The following NAV1 variants were observed in gnomAD, a reference collection of about 807,000 sequenced individuals.
NAV1 encodes the protein neuron navigator 1.
A neutral mutation model predicts 175.2 loss-of-function variants in NAV1; 18 were observed. The ratio of observed to expected loss-of-function variants is 0.10; its 90% confidence interval spans 0.07 to 0.15. NAV1 has a LOEUF of 0.15. Ranked by LOEUF, NAV1 falls within the 10% of genes least tolerant of loss-of-function variation. The probability of loss-of-function intolerance (pLI) is 1.00; values close to 1 mark genes in which losing one functional copy is unlikely to be tolerated. For synonymous variants in NAV1, 897 were observed against 978.7 expected, an observed-to-expected ratio of 0.92 and a Z score of 1.56; for missense variants, 1,731 against 2,436.6, an observed-to-expected ratio of 0.71 and a Z score of 6.10.
At chr1:201,720,798 A>G (rs1396368779) in intron 3 of NAV1, among the ~76,000 whole-genome samples, 1 of 152,056 alleles carries the variant, frequency 6.6e-6, no homozygotes, top group Admixed American at 6.5e-5. Flanking sequence ...TTTTGTTGCT[A>G]TATTATTTTT....
intron 3 of NAV1, among the ~76,000 whole-genome samples, chr1:201,752,878 T>C (rs1460155050): frequency 6.6e-6 from 1 of 152,138 alleles, no homozygotes; most frequent in Non-Finnish European, 1.5e-5. Flanking sequence ...AACTTGCAAA[T>C]TTTTCCCCCA....
At chr1:201,713,615 G>T (rs1265498838) in intron 2 of NAV1, among the ~76,000 whole-genome samples, 3 of 152,240 alleles carry the variant, frequency 2.0e-5, no homozygotes, top group Non-Finnish European at 4.4e-5. Flanking sequence ...GGACTGCCCA[G>T]ATGAGCTCAT....
At chr1:201,761,347 G>A (rs908053870) in intron 3 of NAV1, among the ~76,000 whole-genome samples, 3 of 152,156 alleles carry the variant, frequency 2.0e-5, no homozygotes, top group East Asian at 1.9e-4. Flanking sequence ...GCTTCATTCC[G>A]CGAAGAGAGA....
intron 1 of NAV1, among the ~76,000 whole-genome samples, chr1:201,699,863 G>A (rs1224132853): frequency 6.6e-6 from 1 of 152,222 alleles, no homozygotes; most frequent in African/African-American, 2.4e-5. Flanking sequence ...TGTAATAAAT[G>A]ATGCTGGGAA....
At position 201,573,971 on chromosome 1, in the gene NAV1, G is replaced by C. The variant is rs185322461; in HGVS notation, c.-143-14568G>C. Among the ~76,000 whole-genome samples the C allele has an allele frequency of 3.1e-3, 473 of 152,096 alleles. 2 individuals are homozygous for C. Among genetic ancestry groups the C allele is most frequent in the Non-Finnish European group, 3.8e-3 (259 of 67,988 alleles). ...CTTGGGAGGTTGAGGTGGGAGGATCGCTTGAGCCCACGAGTTTGAGGCTAC... is the reference window on the plus strand; with the variant it reads ...CTTGGGAGGTTGAGGTGGGAGGATCCCTTGAGCCCACGAGTTTGAGGCTAC... On this transcript the variant is annotated intron_variant, in intron 1 of 33. Coordinates refer to the NAV1 transcript ENST00000685211.
At chr1:201,822,268 C>A (rs1679428056) in exon 30 of NAV1, 1 of 152,744 alleles carries the variant, frequency 6.5e-6, no homozygotes, top group Non-Finnish European at 1.5e-5. Context: ...ATGAGGAGGC[C>A]CCCGAGCTGG....
chr1:201,605,081 A>G (rs1253121793), intron 2 of NAV1, among the ~76,000 whole-genome samples: 3 of 150,886 alleles, frequency 2.0e-5, no homozygotes, highest in Admixed American at 1.3e-4. Context: ...TAGCACATAC[A>G]CAAACGATGA....
At chr1:201,732,939 C>T (rs528847464) in intron 3 of NAV1, among the ~76,000 whole-genome samples, 42 of 150,800 alleles carry the variant, frequency 2.8e-4, no homozygotes, top group Middle Eastern at 3.5e-3. Context: ...GGCATGGTGG[C>T]GCGTGCCTGT....
chr1:201,541,709 G>A (rs997680512), intron 1 of NAV1, among the ~76,000 whole-genome samples: 4 of 152,296 alleles, frequency 2.6e-5, no homozygotes, highest in Admixed American at 6.5e-5. Context: ...GGGAGGCAGA[G>A]GTTGCAGTAA....
At chr1:201,797,293 T>C (rs1677516384) in intron 15 of NAV1, 1 of 152,230 alleles carries the variant, frequency 6.6e-6, no homozygotes, top group South Asian at 2.1e-4. Context: ...ACTATACATA[T>C]ATGAGTTTCA....
chr1:201,804,579 TAA>T (rs377039916), intron 17 of NAV1, 82 bp downstream of exon 21: 39,005 of 344,692 alleles, frequency 0.11, 3 homozygotes, highest in Middle Eastern at 0.15. Context: ...TCCCTTCCCC[TAA>T]AAAAAAAAAA....
chr1:201,604,694 A>G (rs563922885), intron 2 of NAV1, among the ~76,000 whole-genome samples: 194 of 146,472 alleles, frequency 1.3e-3, no homozygotes, highest in African/African-American at 5.1e-3. Context: ...AAAAAAAAAA[A>G]GAAGAAGAAA....
rs906317390 is a variant in NAV1, at chr1:201,552,251, G to C, written c.-144+12909G>C. Among the ~76,000 whole-genome samples the C allele has an allele frequency of 1.2e-4, 18 of 152,244 alleles. 1 individual carries two copies. Among genetic ancestry groups the C allele is most frequent in the Admixed American group, 1.2e-3 (18 of 15,274 alleles). ...AGAGGAAAGCCCACAATGCCACTCT[G>C]AGTTGGCCGCTCTTAGCACTTGGAA... On this transcript the variant is annotated intron_variant, in intron 1 of 33. Coordinates refer to the NAV1 transcript ENST00000685211.
intron 17 of NAV1, among the ~76,000 whole-genome samples, chr1:201,806,185 A>C (rs1164612251): frequency 6.6e-6 from 1 of 152,018 alleles, no homozygotes; most frequent in African/African-American, 2.4e-5. Context: ...CGGTTTCACC[A>C]TCTCGGCCAG....
chr1:201,677,018 G>A (rs1252359603), intron 1 of NAV1, among the ~76,000 whole-genome samples: 2 of 152,158 alleles, frequency 1.3e-5, no homozygotes, highest in Non-Finnish European at 2.9e-5. Context: ...TTAGGCGGCT[G>A]AGATGGGTGG....
intron 2 of NAV1, among the ~76,000 whole-genome samples, chr1:201,614,585 G>A (rs1423023005): frequency 6.6e-6 from 1 of 152,248 alleles, no homozygotes; most frequent in Non-Finnish European, 1.5e-5. Flanking sequence ...AATATTTATA[G>A]GCCCAAAACA....
chr1:201,826,365 G>A (rs1036591160), exon 30 of NAV1: 73 of 152,204 alleles, frequency 4.8e-4, no homozygotes, highest in African/African-American at 1.8e-3. Context: ...CCAGTCTCTA[G>A]GCTACTGCTG....
exon 2 of NAV1, chr1:201,712,884 C>T (rs1447284694): frequency 1.2e-6 from 2 of 1,613,922 alleles, no homozygotes; most frequent in Admixed American, 1.7e-5. Context: ...TGGAAGAGAC[C>T]ATGTCCAGCC....
chr1:201,623,130 T>C (rs551368186), exon 1 of NAV1: 47 of 985,956 alleles, frequency 4.8e-5, no homozygotes, highest in Non-Finnish European at 5.5e-5. Context: ...CCAAGTTTGC[T>C]GGGGCGGTGA....
Sources: gnomAD v4.1 joint callset for allele counts (sites outside exome capture counted in the v4.1 genomes callset) on GRCh38, gnomAD v4.1.1 for gene constraint, MANE v1.5 for transcripts, NCBI Gene and HGNC (gene_info 2026-07-23, HGNC 2026-07-21) for gene names.